Variants in SGCD observed in about 807,000 individuals in gnomAD.
The protein encoded by SGCD is sarcoglycan delta, also known as delta-sarcoglycan.
A neutral mutation model predicts 36.6 loss-of-function variants in SGCD; 18 were observed. The observed-to-expected ratio is 0.49, with a 90% CI of 0.34 to 0.73. The LOEUF (loss-of-function observed/expected upper bound fraction) is 0.73, where lower values mean the gene tolerates loss of function less well. Among genes scored for constraint, SGCD ranks in the 30% least tolerant of loss-of-function variants. The pLI, the probability that SGCD is intolerant of heterozygous loss-of-function variation, is 0.01. For missense variants in SGCD, 387 were observed against 346.7 expected (o/e 1.12, Z -0.92); for synonymous variants, 133 against 130.6 (o/e 1.02, Z -0.12).
At chr5:156,250,735 A>C (rs1300721137) in intron 3 of SGCD, among the ~76,000 whole-genome samples, 3 of 152,204 alleles carry the variant, frequency 2.0e-5, no homozygotes, top group South Asian at 2.1e-4. Flanking sequence ...ATTAACTGAC[A>C]CAGAACTGTC....
chr5:156,404,284 C>T (rs908621391), intron 3 of SGCD, among the ~76,000 whole-genome samples: 6 of 152,166 alleles, frequency 3.9e-5, no homozygotes, highest in East Asian at 1.9e-4. Flanking sequence ...ATACTATCTT[C>T]GATGCAGAGC....
At chr5:156,493,784 A>G (rs1756049380) in intron 3 of SGCD, among the ~76,000 whole-genome samples, 1 of 152,192 alleles carries the variant, frequency 6.6e-6, no homozygotes, top group Admixed American at 6.5e-5. Flanking sequence ...AATTAAAACA[A>G]TCACTTCTGC....
At chr5:155,974,854 T>C (rs1758078099) in intron 1 of SGCD, among the ~76,000 whole-genome samples, 1 of 151,978 alleles carries the variant, frequency 6.6e-6, no homozygotes, top group South Asian at 2.1e-4. Flanking sequence ...AACCCCACCA[T>C]ATCTGGTCCT....
chr5:156,161,877 G>T (rs1226856858), intron 3 of SGCD, among the ~76,000 whole-genome samples: 1 of 151,642 alleles, frequency 6.6e-6, no homozygotes, highest in East Asian at 1.9e-4. Context: ...GTATGAAAAT[G>T]TAACTCTCTT....
intron 1 of SGCD, among the ~76,000 whole-genome samples, chr5:155,956,422 T>G (rs1436920309): frequency 1.3e-5 from 2 of 152,088 alleles, no homozygotes; most frequent in African/African-American, 2.4e-5. Context: ...TGCAGGGAGA[T>G]TCTTCTCTGA....
chr5:155,891,556 C>CTTTTTTTTTTTTTTTTTTTT (rs1561640647), intron 1 of SGCD, among the ~76,000 whole-genome samples: 1 of 16,560 alleles, frequency 6.0e-5, no homozygotes, highest in African/African-American at 2.7e-4. Flanking sequence ...AAAATAAATA[C>CTTTTTTTTTTTTTTTTTTTT]TCTTTTTTTT....
At chr5:156,587,692 C>CT (rs556269338) in intron 4 of SGCD, among the ~76,000 whole-genome samples, 1 of 152,070 alleles carries the variant, frequency 6.6e-6, no homozygotes, top group African/African-American at 2.4e-5. Context: ...CTATGACTTT[C>CT]TTTTTTCATT....
chr5:156,076,406 A>G (rs1389914426), intron 1 of SGCD, among the ~76,000 whole-genome samples: 1 of 152,080 alleles, frequency 6.6e-6, no homozygotes, highest in Non-Finnish European at 1.5e-5. Context: ...TATGTAGTGT[A>G]TGATATAAAA....
chr5:156,392,518 C>T (rs1196321001), intron 3 of SGCD, among the ~76,000 whole-genome samples: 3 of 152,094 alleles, frequency 2.0e-5, no homozygotes, highest in Admixed American at 6.5e-5. Flanking sequence ...GCTGAAGGCC[C>T]GGGGGGCATG....
At chr5:155,940,695 A>G (rs1757303076) in intron 1 of SGCD, among the ~76,000 whole-genome samples, 1 of 152,234 alleles carries the variant, frequency 6.6e-6, no homozygotes, top group South Asian at 2.1e-4. Context: ...ATTCAAAAAA[A>G]TTAGCCAGGT....
At chr5:156,465,938 G>T (rs376007096) in intron 3 of SGCD, among the ~76,000 whole-genome samples, 61 of 152,258 alleles carry the variant, frequency 4.0e-4, no homozygotes, top group African/African-American at 1.5e-3. Flanking sequence ...CTTTGCTAAT[G>T]GACATTTTGT....
At position 156,508,603 on chromosome 5, in the gene SGCD, T is replaced by G; in HGVS notation, c.195T>G (p.Asp65Glu). 6.3e-7 allele frequency: 1 copy of G among 1,595,720 alleles called. No individual in the cohort carries two copies. Among genetic ancestry groups the G allele is most frequent in the Non-Finnish European group, 8.6e-7 (1 of 1,163,724 alleles). Residue 65 changes from aspartate (D) to glutamate (E), a missense_variant and splice_region_variant, in exon 4 of 9, where the codon GAT becomes GAG. Asp to Glu is a conservative substitution (Grantham distance 45, BLOSUM62 2). Coordinates refer to ENST00000337851, the MANE Select transcript of SGCD (RefSeq NM_000337.6). ...WILKVMNFTI[D>E]GMGNLRITEK... ...GTTATCTCTGTGTTCTATTTCAGGA[T>G]GGAATGGGAAACCTGAGGATCACAG...
chr5:156,100,599 T>C (rs546384834), intron 1 of SGCD, among the ~76,000 whole-genome samples: 1 of 152,344 alleles, frequency 6.6e-6, no homozygotes, highest in Non-Finnish European at 1.5e-5. Flanking sequence ...CACTTTTCCC[T>C]ATTGCAGTAG....
chr5:156,759,448 C>T lies in SGCD; in HGVS notation c.*58C>T. 8.1e-7 allele frequency: 1 copy of T among 1,237,446 alleles called. No individual in the cohort carries two copies. Among genetic ancestry groups the T allele is most frequent in the Non-Finnish European group, 1.1e-6 (1 of 882,866 alleles). The allele number at this position is 1,237,446 out of a possible 1,614,324, so 76.7% of individuals were successfully genotyped here. On this transcript the variant is annotated 3_prime_UTR_variant, in exon 9 of 9. Transcript: ENST00000337851. ...TAAAGGCCTTTTTTGGCTTTAGACA[C>T]TGGCTGCCAGCTATTTTTACTAGAA...
At chr5:156,172,315 A>C (rs1159454749) in intron 3 of SGCD, among the ~76,000 whole-genome samples, 1 of 152,028 alleles carries the variant, frequency 6.6e-6, no homozygotes, top group Non-Finnish European at 1.5e-5. Flanking sequence ...CAAACAAAAA[A>C]CCCAAAAAAT....
chr5:156,235,631 C>G (rs1331227231), intron 3 of SGCD, among the ~76,000 whole-genome samples: 2 of 152,112 alleles, frequency 1.3e-5, no homozygotes, highest in Non-Finnish European at 2.9e-5. Context: ...TTCTTCTCTT[C>G]CCTACAGATG....
chr5:156,738,816 G>C (rs1467193172), intron 7 of SGCD, among the ~76,000 whole-genome samples: 1 of 152,140 alleles, frequency 6.6e-6, no homozygotes, highest in Non-Finnish European at 1.5e-5. Context: ...CTTTATAACA[G>C]TGCTACAAAG....
intron 7 of SGCD, among the ~76,000 whole-genome samples, chr5:156,651,459 CT>C (rs1391669682): frequency 6.6e-6 from 1 of 152,198 alleles, no homozygotes; most frequent in African/African-American, 2.4e-5. Flanking sequence ...TTTAATCCAT[CT>C]TTAGTTAATT....
intron 1 of SGCD, among the ~76,000 whole-genome samples, chr5:156,027,190 A>G (rs920934374): frequency 4.8e-4 from 73 of 152,318 alleles, no homozygotes; most frequent in African/African-American, 1.5e-3. Context: ...GGCTTTTTCA[A>G]TCACAAACAA....
Sources: allele counts gnomAD v4.1 joint callset (sites outside exome capture counted in the v4.1 genomes callset), GRCh38; gene constraint gnomAD v4.1.1; transcripts MANE v1.5; gene names NCBI Gene and HGNC (gene_info 2026-07-23, HGNC 2026-07-21).